SCNN1B: variants seen among roughly 807,000 people sequenced by gnomAD.
SCNN1B encodes sodium channel epithelial 1 subunit beta.
SCNN1B carries 46 observed loss-of-function variants against 65.3 expected under a neutral mutation model. That is an observed-to-expected ratio of 0.70 (90% CI 0.56 to 0.90). SCNN1B has a LOEUF of 0.90. Ranked by LOEUF, SCNN1B falls within the 40% of genes least tolerant of loss-of-function variation. SCNN1B has a pLI of 0.00. For missense variants in SCNN1B, 751 were observed against 830.5 expected (o/e 0.90, Z 1.18); for synonymous variants, 349 against 330.6 (o/e 1.06, Z -0.60).
intron 1 of SCNN1B, among the ~76,000 whole-genome samples, chr16:23,320,330 G>A (rs1001989930): frequency 1.3e-5 from 2 of 152,164 alleles, no homozygotes; most frequent in South Asian, 2.1e-4. Flanking sequence ...ACAAGCTCTC[G>A]GGTGATGCTG....
chr16:23,371,122 G>A (rs542419690), intron 5 of SCNN1B, among the ~76,000 whole-genome samples, 177 bp from the exon 6 acceptor site: 1 of 152,314 alleles, frequency 6.6e-6, no homozygotes, highest in South Asian at 2.1e-4. Context: ...TAGAGATGAT[G>A]GGGGCTTTGC....
chr16:23,344,734 C>T (rs1472221230), intron 1 of SCNN1B, among the ~76,000 whole-genome samples: 2 of 152,146 alleles, frequency 1.3e-5, no homozygotes, highest in Non-Finnish European at 2.9e-5. Flanking sequence ...TGGCTCACAC[C>T]TGTAGTCCAA....
intron 1 of SCNN1B, chr16:23,304,228 C>A: frequency 1.4e-6 from 1 of 719,406 alleles, no homozygotes; most frequent in Non-Finnish European, 2.4e-6. Flanking sequence ...TTTTCCACTG[C>A]TCACATACGG....
intron 4 of SCNN1B, among the ~76,000 whole-genome samples, chr16:23,357,740 G>A (rs986027612): frequency 1.4e-4 from 22 of 152,280 alleles, no homozygotes; most frequent in Non-Finnish European, 2.6e-4. Context: ...GACTGATGGC[G>A]CCCTGCTGAT....
intron 1 of SCNN1B, among the ~76,000 whole-genome samples, chr16:23,303,328 C>T (rs1478209393): frequency 1.3e-5 from 2 of 152,146 alleles, no homozygotes; most frequent in Non-Finnish European, 2.9e-5. Flanking sequence ...GGCTTTGGTC[C>T]CTGGCAGCCC....
At chr16:23,307,972 G>C (rs1354980490) in intron 1 of SCNN1B, among the ~76,000 whole-genome samples, 2 of 152,182 alleles carry the variant, frequency 1.3e-5, no homozygotes, top group East Asian at 3.9e-4. Flanking sequence ...TTGAGCCCAG[G>C]AGATTGAGGC....
chr16:23,283,540 A>G (rs1030645315), intron 1 of SCNN1B, among the ~76,000 whole-genome samples: 1 of 152,220 alleles, frequency 6.6e-6, no homozygotes, highest in African/African-American at 2.4e-5. Flanking sequence ...GAAAAACAGA[A>G]TGGTTGTATA....
In SCNN1B at chr16:23,348,771, C is replaced by T. The variant is rs757043600; in HGVS notation, c.172C>T (p.Leu58Phe). ...KKAMWFLLTL[L>F]FAALVCWQWG... ...AGCCATGTGGTTCCTGCTCACCCTGCTCTTCGCCGCCCTCGTCTGCTGGCA... is the reference window on the plus strand; with the variant it reads ...AGCCATGTGGTTCCTGCTCACCCTGTTCTTCGCCGCCCTCGTCTGCTGGCA... Residue 58 changes from leucine (L) to phenylalanine (F), a missense_variant, in exon 2 of 13, where the codon CTC (leucine) becomes TTC (phenylalanine). Physicochemically the swap from Leu to Phe is conservative, Grantham distance 22. Coordinates refer to ENST00000343070, the MANE Select transcript of SCNN1B (RefSeq NM_000336.3). The surrounding 1 kb of genome is among the most constrained non-coding windows in gnomAD (Gnocchi z 4.5). 1 of 1,614,192 alleles carries T rather than the reference C, an allele frequency of 6.2e-7. No homozygotes were observed. Among genetic ancestry groups the T allele is most frequent in the South Asian group, 1.1e-5 (1 of 91,072 alleles).
At chr16:23,310,107 T>A (rs940398963) in intron 1 of SCNN1B, among the ~76,000 whole-genome samples, 2 of 152,134 alleles carry the variant, frequency 1.3e-5, no homozygotes, top group African/African-American at 4.8e-5. Flanking sequence ...CAAGGCACCG[T>A]GGCTCACACA....
intron 1 of SCNN1B, among the ~76,000 whole-genome samples, chr16:23,302,788 G>T (rs1961113719): frequency 1.3e-5 from 2 of 152,170 alleles, no homozygotes; most frequent in South Asian, 4.1e-4. Flanking sequence ...ACTCGAGAGC[G>T]CTTTCTACGT....
intron 4 of SCNN1B, among the ~76,000 whole-genome samples, chr16:23,357,893 A>T (rs1962453187): frequency 6.6e-6 from 1 of 152,230 alleles, no homozygotes; most frequent in South Asian, 2.1e-4. Flanking sequence ...CAAACAGACT[A>T]CTGTAATGTC....
At chr16:23,343,475 A>AAAGGAAGG (rs569501062) in intron 1 of SCNN1B, among the ~76,000 whole-genome samples, 1,225 of 113,120 alleles carry the variant, frequency 0.011, 88 homozygotes, top group Middle Eastern at 0.03. Flanking sequence ...GAAAAGAAAG[A>AAAGGAAGG]AAGGAAGGAA....
chr16:23,365,327 A>G (rs975132795), intron 4 of SCNN1B, among the ~76,000 whole-genome samples: 1 of 150,206 alleles, frequency 6.7e-6, no homozygotes, highest in Non-Finnish European at 1.5e-5. Context: ...AGAAAGAGAG[A>G]AAAAGGGAGG....
intron 1 of SCNN1B, among the ~76,000 whole-genome samples, chr16:23,335,357 T>C (rs1332803711): frequency 6.6e-6 from 1 of 152,220 alleles, no homozygotes; most frequent in Admixed American, 6.5e-5. Context: ...ACCTCTATGT[T>C]GCCTAAGCTG....
At position 23,352,938 on chromosome 16, in the gene SCNN1B, T is replaced by C. The variant is rs767445641; in HGVS notation, c.449T>C (p.Leu150Pro). 2 of 1,614,160 alleles carry C rather than the reference T, an allele frequency of 1.2e-6. No individual in the cohort carries two copies. The highest frequency in any genetic ancestry group is 1.7e-6 in the Non-Finnish European group (2 of 1,180,018). The change falls in exon 3 of 13, where the codon CTG becomes CCG. Residue 150 changes from leucine (L) to proline (P), a missense_variant. Transcript: ENST00000343070. Reference protein sequence around the residue: ...LNFSIWNHTPLVLIDERNPHH... With the variant: ...LNFSIWNHTPPVLIDERNPHH... ...TTCTCCATCTGGAACCACACACCCC[T>C]GGTCCTTATTGATGAACGGAACCCC... is the stretch of plus-strand genomic sequence containing the variant.
intron 1 of SCNN1B, among the ~76,000 whole-genome samples, chr16:23,336,437 T>C (rs72654315): frequency 6.6e-6 from 1 of 150,620 alleles, no homozygotes; most frequent in African/African-American, 2.5e-5. Context: ...AGGGGCACGA[T>C]CTCGGCTCAC....
At chr16:23,351,722 G>A (rs944555182) in intron 2 of SCNN1B, among the ~76,000 whole-genome samples, 2 of 152,160 alleles carry the variant, frequency 1.3e-5, no homozygotes, top group Non-Finnish European at 1.5e-5. Context: ...GCCCGGCCCC[G>A]CAGAGATACT....
intron 4 of SCNN1B, among the ~76,000 whole-genome samples, chr16:23,367,109 G>C (rs1181552946): frequency 6.6e-6 from 1 of 152,066 alleles, no homozygotes; most frequent in African/African-American, 2.4e-5. Flanking sequence ...CTTGTCATTT[G>C]ATTTCGGGCC....
chr16:23,301,353 C>T (rs1447103398), upstream of SCNN1B, among the ~76,000 whole-genome samples: 2 of 90,494 alleles, frequency 2.2e-5, no homozygotes, highest in East Asian at 6.8e-4. Flanking sequence ...CAGAGTGAGA[C>T]TCTGTCAAAA....
Sources: allele counts gnomAD v4.1 joint callset (sites outside exome capture counted in the v4.1 genomes callset), GRCh38; gene constraint gnomAD v4.1.1; non-coding constraint Gnocchi (gnomAD v3.1); transcripts MANE v1.5; gene names NCBI Gene and HGNC (gene_info 2026-07-23, HGNC 2026-07-21).